SENP6: variants seen among roughly 807,000 people sequenced by gnomAD.
The protein encoded by SENP6 is SUMO specific peptidase 6.
In SENP6, 41 loss-of-function variants were observed where a neutral mutation model predicts 134.5. That is an observed-to-expected ratio of 0.30 (90% CI 0.24 to 0.40). The LOEUF is 0.40. Ranked by LOEUF, SENP6 falls within the 10% of genes least tolerant of loss-of-function variation. SENP6 has a pLI of 1.00. For missense variants in SENP6, 1,248 were observed against 1,312.5 expected (o/e 0.95, Z 0.76); for synonymous variants, 395 against 429.8 (o/e 0.92, Z 1.00).
chr6:75,651,708 T>C (rs1770881328), intron 7 of SENP6, among the ~76,000 whole-genome samples: 1 of 152,190 alleles, frequency 6.6e-6, no homozygotes, highest in Non-Finnish European at 1.5e-5. Flanking sequence ...TATATAACTC[T>C]CCAGATCTTT....
chr6:75,663,906 T>A (rs1287295875), intron 9 of SENP6, among the ~76,000 whole-genome samples: 1 of 151,660 alleles, frequency 6.6e-6, no homozygotes, highest in Admixed American at 6.6e-5. Context: ...CATTTGTTCC[T>A]AACTCTATAT....
rs1775134884 is a variant in SENP6, at chr6:75,702,882, G to T, written c.2526G>T (p.Gly842=). The T allele has an allele frequency of 2.5e-6, 4 of 1,613,976 alleles. No homozygotes were observed. The highest frequency in any genetic ancestry group is 2.2e-5 in the South Asian group (2 of 91,082). The change falls in exon 19 of 24, where the codon GGG becomes GGT. Residue 842 remains glycine (G), a synonymous_variant. Coordinates refer to ENST00000447266, the MANE Select transcript of SENP6 (RefSeq NM_015571.4). ...TAGCTGTAATTGATTCCAATCCTGG[G>T]CAGGAAGAAAGTGACCCTCGTTATA... The part of the protein sequence containing the change: ...HCIAVIDSNP[G]QEESDPRYKR...
At chr6:75,669,958 A>G (rs1772540694) in intron 10 of SENP6, among the ~76,000 whole-genome samples, 2 of 151,900 alleles carry the variant, frequency 1.3e-5, no homozygotes, top group Admixed American at 1.3e-4. Flanking sequence ...TTTAAGAAGG[A>G]ATTTCGATCT....
chr6:75,644,304 T>G (rs546468849), intron 6 of SENP6: 1 of 152,102 alleles, frequency 6.6e-6, no homozygotes, highest in East Asian at 1.9e-4. Context: ...ACAATTGGAT[T>G]ATAACTTAGA....
chr6:75,634,780 C>G lies in SENP6; in HGVS notation c.427C>G (p.Gln143Glu), dbSNP rs542282733. ...TAGACGTTTTCATCATGCTCATGCACAGATACCAGTAGTAAAAACAGCAGC... is the reference window on the plus strand; with the variant it reads ...TAGACGTTTTCATCATGCTCATGCAGAGATACCAGTAGTAAAAACAGCAGC... ...HGRRFHHAHA[Q>E]IPVVKTAAQS... Residue 143 changes from glutamine (Q) to glutamate (E), a missense_variant, in exon 5 of 24, where the codon CAG (glutamine) becomes GAG (glutamate). Coordinates refer to ENST00000447266, the MANE Select transcript of SENP6 (RefSeq NM_015571.4). 2 of 1,603,348 alleles carry G rather than the reference C, an allele frequency of 1.2e-6. No individual in the cohort carries two copies. The highest frequency in any genetic ancestry group is 1.7e-6 in the Non-Finnish European group (2 of 1,176,960).
intron 8 of SENP6, among the ~76,000 whole-genome samples, chr6:75,661,977 T>TGGAG (rs1427409519): frequency 9.9e-5 from 15 of 152,226 alleles, no homozygotes; most frequent in African/African-American, 2.9e-4. Flanking sequence ...TGTTGAACCC[T>TGGAG]GGAGGCAGAG....
At chr6:75,672,708 C>T (rs960922845) in intron 11 of SENP6, among the ~76,000 whole-genome samples, 1 of 152,172 alleles carries the variant, frequency 6.6e-6, no homozygotes, top group African/African-American at 2.4e-5. Flanking sequence ...ATCTGAGAAA[C>T]AGGTTTTAAA....
intron 3 of SENP6, among the ~76,000 whole-genome samples, chr6:75,624,906 G>A (rs1460295735): frequency 6.6e-6 from 1 of 152,112 alleles, no homozygotes; most frequent in East Asian, 1.9e-4. Context: ...ATCAAGGTGG[G>A]AGAATTGCTT....
Position 75,640,388 on chromosome 6 carries a change from T to C in SENP6, c.459-296T>C, listed in dbSNP as rs988233598. On this transcript the variant is annotated intron_variant, in intron 5 of 23. Coordinates refer to ENST00000447266, the MANE Select transcript of SENP6 (RefSeq NM_015571.4). The stretch of plus-strand genomic sequence containing the variant: ...GGTCTTGGAAAGGATCGTTAGAGAA[T>C]AGCAGGGAATATTGTATTCTAACAT... Among the ~76,000 whole-genome samples the C allele has an allele frequency of 4.6e-5, 7 of 152,228 alleles. 1 individual carries two copies. The highest frequency in any genetic ancestry group is 4.6e-4 in the Admixed American group (7 of 15,276).
chr6:75,709,697 T>C, intron 20 of SENP6, 67 bp downstream of exon 20: 1 of 1,134,176 alleles, frequency 8.8e-7, no homozygotes, highest in Admixed American at 1.8e-5. Flanking sequence ...TTGCTGAACA[T>C]GGTGGTGCAC....
intron 1 of SENP6, among the ~76,000 whole-genome samples, chr6:75,603,698 T>C (rs1487785590): frequency 6.6e-6 from 1 of 152,320 alleles, no homozygotes; most frequent in African/African-American, 2.4e-5. Flanking sequence ...ACTGCTTTGT[T>C]AACAGCACCT....
Position 75,602,581 on chromosome 6 carries a change from G to A in SENP6, c.52+5G>A. 2.6e-6 allele frequency: 4 copies of A among 1,551,350 alleles called. No individual in the cohort carries two copies. The highest frequency in any genetic ancestry group is 3.5e-6 in the Non-Finnish European group (4 of 1,146,786). ...GGGAGATTACTTTTCTGGAAGGTAC[G>A]TCTGTTTCTGCCCTTGACGGGGAGA... On this transcript the variant is annotated splice_donor_5th_base_variant and intron_variant, in intron 1 of 23. Transcript: ENST00000447266.
intron 8 of SENP6, among the ~76,000 whole-genome samples, chr6:75,660,837 G>T (rs1771718909): frequency 6.6e-6 from 1 of 152,054 alleles, no homozygotes; most frequent in East Asian, 1.9e-4. Flanking sequence ...CACCATGTTG[G>T]CCAGGCTGGT....
chr6:75,688,764 G>T (rs1327168410), intron 16 of SENP6, among the ~76,000 whole-genome samples: 2 of 152,080 alleles, frequency 1.3e-5, no homozygotes, highest in Non-Finnish European at 2.9e-5. Flanking sequence ...CTACAAAAAA[G>T]AAAATTTTAA....
At chr6:75,634,680 G>C (rs778210028) in intron 4 of SENP6, 27 bp from the exon 5 acceptor site, 1 of 1,318,068 alleles carries the variant, frequency 7.6e-7, no homozygotes, top group Admixed American at 2.5e-5. Flanking sequence ...CCGTGTTCAA[G>C]TTATTTTTTG....
At chr6:75,712,327 T>G (rs116927761) in intron 21 of SENP6, among the ~76,000 whole-genome samples, 1 of 152,028 alleles carries the variant, frequency 6.6e-6, no homozygotes, top group Non-Finnish European at 1.5e-5. Flanking sequence ...TACAGAAAAA[T>G]AGAGACCTAG....
At chr6:75,636,756 A>G (rs1414959032) in intron 5 of SENP6, among the ~76,000 whole-genome samples, 1 of 152,192 alleles carries the variant, frequency 6.6e-6, no homozygotes, top group Admixed American at 6.5e-5. Flanking sequence ...AGGCACAAAG[A>G]AAGGCTTTAA....
chr6:75,640,542 GTATAT>G (rs1769946974), intron 5 of SENP6, 137 bp from the exon 6 acceptor site: 1 of 353,334 alleles, frequency 2.8e-6, no homozygotes. Flanking sequence ...TCAAAACATA[GTATAT>G]TATATATATA....
rs528729623 is a variant in SENP6, at chr6:75,699,259, T to C, written c.2288+1742T>C. On this transcript the variant is annotated intron_variant, in intron 18 of 23. Transcript: ENST00000447266. ...GTTATTATCAGTGCTTCCAGTCATC[T>C]TAGTGAGAGGTAGAAAATGAACTCT... Among the ~76,000 whole-genome samples the C allele has an allele frequency of 4.6e-5, 7 of 152,072 alleles. No homozygotes were observed. The East Asian group carries it at 1.3e-3, about 29-fold the overall frequency.
Sources: allele counts gnomAD v4.1 joint callset (sites outside exome capture counted in the v4.1 genomes callset), GRCh38; gene constraint gnomAD v4.1.1; transcripts MANE v1.5; gene names NCBI Gene and HGNC (gene_info 2026-07-23, HGNC 2026-07-21).